FSTL4: variants seen among roughly 807,000 people sequenced by gnomAD.
FSTL4 encodes the protein follistatin like 4, also known as follistatin-related protein 4.
Under a neutral mutation model 78.2 loss-of-function variants are expected in FSTL4, and 28 were observed. That is an observed-to-expected ratio of 0.36 (90% CI 0.27 to 0.49). The LOEUF (loss-of-function observed/expected upper bound fraction) is 0.49. Among genes scored for constraint, FSTL4 ranks in the 20% least tolerant of loss-of-function variants. FSTL4 has a pLI of 0.98. For synonymous variants in FSTL4, 422 were observed against 440.5 expected, an observed-to-expected ratio of 0.96 and a Z score of 0.53; for missense variants, 922 against 1,084.9, an observed-to-expected ratio of 0.85 and a Z score of 2.11.
At chr5:133,438,012 T>A (rs994948734) in intron 3 of FSTL4, among the ~76,000 whole-genome samples, 24 of 152,310 alleles carry the variant, frequency 1.6e-4, no homozygotes, top group African/African-American at 5.8e-4. Flanking sequence ...TTACTCTAAT[T>A]ATATATACTT....
At chr5:133,293,178 G>A (rs945213055) in intron 6 of FSTL4, among the ~76,000 whole-genome samples, 2 of 152,212 alleles carry the variant, frequency 1.3e-5, no homozygotes, top group Non-Finnish European at 2.9e-5. Context: ...GCCCTGTGGC[G>A]AACTCTCGGA....
At chr5:133,615,311 C>CA (rs1761178250), upstream of FSTL4, among the ~76,000 whole-genome samples, 1 of 152,184 alleles carries the variant, frequency 6.6e-6, no homozygotes, top group African/African-American at 2.4e-5. Flanking sequence ...GCTGCCTGTT[C>CA]AAAAAATGTT....
At chr5:133,362,020 G>C (rs1354484295) in intron 4 of FSTL4, among the ~76,000 whole-genome samples, 4 of 152,208 alleles carry the variant, frequency 2.6e-5, no homozygotes, top group African/African-American at 9.6e-5. Flanking sequence ...ATTTCTCTGG[G>C]ATACAACTAC....
intron 7 of FSTL4, among the ~76,000 whole-genome samples, chr5:133,235,326 AAAAC>A (rs879553239): frequency 9.2e-5 from 14 of 151,990 alleles, no homozygotes; most frequent in South Asian, 2.1e-4. Context: ...CTAAAAATAC[AAAAC>A]AAACAAACAA....
At chr5:133,614,833 C>T (rs1371202031), upstream of FSTL4, among the ~76,000 whole-genome samples, 1 of 152,092 alleles carries the variant, frequency 6.6e-6, no homozygotes, top group Admixed American at 6.5e-5. Flanking sequence ...AGTTACTGCC[C>T]CCCAGCCCCA....
chr5:133,310,349 G>T (rs1219850385), intron 6 of FSTL4, among the ~76,000 whole-genome samples: 1 of 152,228 alleles, frequency 6.6e-6, no homozygotes, highest in Non-Finnish European at 1.5e-5. Context: ...CAGGAACGAA[G>T]GGAGCTGACA....
intron 4 of FSTL4, among the ~76,000 whole-genome samples, chr5:133,374,378 T>C (rs1016456959): frequency 6.6e-6 from 1 of 152,186 alleles, no homozygotes; most frequent in African/African-American, 2.4e-5. Context: ...ACAATGATTT[T>C]ACCAGAGACA....
At chr5:133,318,606 AG>A (rs1206445247) in intron 4 of FSTL4, among the ~76,000 whole-genome samples, 3 of 152,136 alleles carry the variant, frequency 2.0e-5, no homozygotes, top group Non-Finnish European at 2.9e-5. Flanking sequence ...GACTTCCTGG[AG>A]TGGGGGGCAT....
At chr5:133,409,349 G>C (rs1756433304) in intron 3 of FSTL4, among the ~76,000 whole-genome samples, 1 of 152,180 alleles carries the variant, frequency 6.6e-6, no homozygotes, top group East Asian at 1.9e-4. Context: ...AACCTCTCAG[G>C]CTCACCTGCT....
intron 3 of FSTL4, among the ~76,000 whole-genome samples, chr5:133,498,010 C>T (rs1758406222): frequency 1.3e-5 from 2 of 151,918 alleles, no homozygotes; most frequent in South Asian, 4.2e-4. Flanking sequence ...GCATGGCACC[C>T]AGCCTACACA....
At chr5:133,320,167 C>T (rs1754011586) in intron 4 of FSTL4, among the ~76,000 whole-genome samples, 2 of 152,202 alleles carry the variant, frequency 1.3e-5, no homozygotes, top group African/African-American at 4.8e-5. Flanking sequence ...TTCCAGCCCC[C>T]AGAGGCAGAT....
the FSTL4 span, among the ~76,000 whole-genome samples, chr5:133,686,013 A>G: frequency 0.37 from 55,692 of 152,132 alleles, 10,266 homozygotes; most frequent in South Asian, 0.4. Flanking sequence ...TTACTGTGAA[A>G]CTGCCCAGCC....
chr5:133,726,665 AG>A, the FSTL4 span, among the ~76,000 whole-genome samples: 1 of 152,178 alleles, frequency 6.6e-6, no homozygotes, highest in Non-Finnish European at 1.5e-5. Flanking sequence ...GATAGATTCA[AG>A]GGGGGCTGGG....
At chr5:133,318,749 G>T (rs1242116962) in intron 4 of FSTL4, among the ~76,000 whole-genome samples, 6 of 152,258 alleles carry the variant, frequency 3.9e-5, no homozygotes, top group Non-Finnish European at 1.5e-5. Context: ...TGAAGGTGAG[G>T]ACAGGCTGGG....
At chr5:133,279,912 G>A (rs925249143) in intron 6 of FSTL4, among the ~76,000 whole-genome samples, 1 of 152,204 alleles carries the variant, frequency 6.6e-6, no homozygotes, top group Non-Finnish European at 1.5e-5. Flanking sequence ...AAGACATGGG[G>A]GACAAAGAAG....
chr5:133,399,850 G>C (rs1005189138), intron 4 of FSTL4, among the ~76,000 whole-genome samples: 2 of 152,214 alleles, frequency 1.3e-5, no homozygotes, highest in South Asian at 4.1e-4. Flanking sequence ...CCTGCAAGCT[G>C]CTTCTGTCTT....
intron 3 of FSTL4, among the ~76,000 whole-genome samples, chr5:133,419,316 C>T (rs1298683947): frequency 6.6e-6 from 1 of 152,140 alleles, no homozygotes; most frequent in Non-Finnish European, 1.5e-5. Flanking sequence ...GACAGGGTTT[C>T]ACCACATTGG....
At chr5:133,568,056 C>T (rs1439786762) in intron 2 of FSTL4, among the ~76,000 whole-genome samples, 2 of 151,746 alleles carry the variant, frequency 1.3e-5, no homozygotes, top group African/African-American at 4.8e-5. Context: ...GATTTTCAGA[C>T]AAAAATGGGG....
chr5:133,785,326 T>C, the FSTL4 span, among the ~76,000 whole-genome samples: 1 of 152,112 alleles, frequency 6.6e-6, no homozygotes, highest in African/African-American at 2.4e-5. Flanking sequence ...AAGGCACCTA[T>C]AGGCCAAGAG....
Sources: gnomAD v4.1 joint callset for allele counts (sites outside exome capture counted in the v4.1 genomes callset) on GRCh38, gnomAD v4.1.1 for gene constraint, MANE v1.5 for transcripts, NCBI Gene and HGNC (gene_info 2026-07-23, HGNC 2026-07-21) for gene names.